MARCHF1: variants seen among roughly 807,000 people sequenced by gnomAD.
MARCHF1 encodes the protein E3 ubiquitin-protein ligase MARCHF1.
A neutral mutation model predicts 54.2 loss-of-function variants in MARCHF1; 40 were observed. The ratio of observed to expected loss-of-function variants is 0.74; its 90% confidence interval spans 0.57 to 0.96. The LOEUF is 0.96. MARCHF1 is among the 40% of genes least tolerant of loss of function. The pLI is 0.00. For missense variants in MARCHF1, 586 were observed against 656.5 expected (o/e 0.89, Z 1.17); for synonymous variants, 236 against 236.3 (o/e 1.00, Z 0.01).
chr4:163,983,538 A>G (rs552218220), intron 3 of MARCHF1, among the ~76,000 whole-genome samples: 15 of 152,202 alleles, frequency 9.9e-5, no homozygotes, highest in Non-Finnish European at 2.1e-4. Context: ...AACTCCCCCC[A>G]CTTAGAGGTT....
chr4:164,106,950 T>C (rs1755718575), intron 2 of MARCHF1, among the ~76,000 whole-genome samples: 1 of 152,138 alleles, frequency 6.6e-6, no homozygotes, highest in African/African-American at 2.4e-5. Flanking sequence ...GAAACAACCA[T>C]ATGCAGAAGA....
rs78793646 is a variant in MARCHF1, at chr4:163,623,547, C to G, written c.163-10154G>C. Among the ~76,000 whole-genome samples the G allele has an allele frequency of 7.8e-3, 1,186 of 152,220 alleles. 14 individuals carry two copies. Among genetic ancestry groups the G allele is most frequent in the African/African-American group, 0.027 (1,136 of 41,534 alleles). On this transcript the variant is annotated intron_variant, in intron 5 of 9. Transcript: ENST00000514618. ...AAGCCTAAATGGGACGGCGTTAACA[C>G]CTCTAGGGACAACTCTCAATAATGG... is the stretch of plus-strand genomic sequence containing the variant.
chr4:163,589,342 C>T (rs1287742978), intron 7 of MARCHF1, among the ~76,000 whole-genome samples: 1 of 152,102 alleles, frequency 6.6e-6, no homozygotes, highest in South Asian at 2.1e-4. Context: ...TGAAGCACCA[C>T]TAACAACATC....
chr4:163,573,875 G>C (rs1227398965), intron 8 of MARCHF1, among the ~76,000 whole-genome samples: 2 of 151,208 alleles, frequency 1.3e-5, no homozygotes, highest in South Asian at 2.1e-4. Context: ...CTAGATCCCT[G>C]AGGAATCGCC....
At chr4:163,783,078 AT>A (rs1306458899) in intron 4 of MARCHF1, among the ~76,000 whole-genome samples, 1 of 152,226 alleles carries the variant, frequency 6.6e-6, no homozygotes, top group Admixed American at 6.5e-5. Flanking sequence ...AAATTCTCAA[AT>A]TGATAAAAAC....
intron 3 of MARCHF1, among the ~76,000 whole-genome samples, chr4:163,956,268 G>A (rs1287565109): frequency 6.6e-6 from 1 of 152,078 alleles, no homozygotes; most frequent in Non-Finnish European, 1.5e-5. Flanking sequence ...AAGTCATTTA[G>A]TCATTCAATA....
At position 164,176,970 on chromosome 4, in the gene MARCHF1, CTCTCT is replaced by C. The variant is rs1264046302; in HGVS notation, c.-322-65313_-322-65309del. Among the ~76,000 whole-genome samples, 94 of 57,396 alleles carry C rather than the reference CTCTCT, an allele frequency of 1.6e-3. 8 individuals are homozygous for C. The highest frequency in any genetic ancestry group is 3.7e-3 in the South Asian group (5 of 1,366). The allele number at this position is 57,396 out of a possible 152,430, so 37.7% of individuals were successfully genotyped here. ...TCTCTCTCTCTCTCTCTCTCTCTCTCTCTCTCTCTCTATATATATATATATATATA... is the reference window on the plus strand; with the variant it reads ...TCTCTCTCTCTCTCTCTCTCTCTCTCCTCTCTATATATATATATATATATA... On this transcript the variant is annotated intron_variant, in intron 1 of 9. Transcript: ENST00000514618.
At chr4:163,638,157 G>A (rs912634526) in intron 5 of MARCHF1, among the ~76,000 whole-genome samples, 2 of 150,540 alleles carry the variant, frequency 1.3e-5, no homozygotes, top group African/African-American at 4.9e-5. Context: ...ACGAGTTAGT[G>A]GGTGCAGCGC....
rs1408069827 is a variant in MARCHF1, at chr4:163,700,527, A to AGG, written c.162+285_162+286insCC. On this transcript the variant is annotated intron_variant, in intron 5 of 9. Transcript: ENST00000514618. ...CTAAAAAGATAGATAGAAAGAAAGA[A>AGG]AGAAGGAAGGAAGGAAGGAAGGAAG... Among the ~76,000 whole-genome samples, 43 of 135,262 alleles carry AGG rather than the reference A, an allele frequency of 3.2e-4. No homozygotes were observed. The South Asian group carries it at 3.2e-3, about 10-fold the overall frequency. 88.7% of individuals were successfully genotyped at this position (135,262 alleles called of 152,430 possible).
At chr4:163,705,563 T>C (rs906881027) in intron 4 of MARCHF1, among the ~76,000 whole-genome samples, 1 of 151,948 alleles carries the variant, frequency 6.6e-6, no homozygotes, top group African/African-American at 2.4e-5. Flanking sequence ...GATTAATACA[T>C]TGAAAGAGAC....
In MARCHF1 at chr4:163,674,330, C is replaced by T. The variant is rs139906342; in HGVS notation, c.162+26483G>A. Among the ~76,000 whole-genome samples, 648 of 152,064 alleles carry T rather than the reference C, an allele frequency of 4.3e-3. 11 individuals carry two copies. Among genetic ancestry groups the T allele is most frequent in the African/African-American group, 0.015 (623 of 41,504 alleles). ...TTCACTGGTACCCCATAAATTTATA[C>T]AAATTTTAAAAAAAGAAAAAAAATG... On this transcript the variant is annotated intron_variant, in intron 5 of 9. Transcript: ENST00000514618.
chr4:163,776,912 G>A (rs984876743), intron 4 of MARCHF1, among the ~76,000 whole-genome samples: 1 of 152,148 alleles, frequency 6.6e-6, no homozygotes. Flanking sequence ...AGACAAACTC[G>A]TGGCATCTTT....
intron 3 of MARCHF1, among the ~76,000 whole-genome samples, chr4:163,914,296 C>T (rs538025138): frequency 6.6e-6 from 1 of 151,890 alleles, no homozygotes; most frequent in African/African-American, 2.4e-5. Flanking sequence ...AAAGAGAATG[C>T]AAAAATTATT....
intron 4 of MARCHF1, among the ~76,000 whole-genome samples, chr4:163,809,741 T>C (rs1337854108): frequency 6.6e-6 from 1 of 152,118 alleles, no homozygotes; most frequent in Non-Finnish European, 1.5e-5. Flanking sequence ...AAAAGTCAAG[T>C]ACACACACAA....
chr4:164,030,984 G>A (rs1753864894), intron 2 of MARCHF1, among the ~76,000 whole-genome samples: 1 of 152,062 alleles, frequency 6.6e-6, no homozygotes, highest in Non-Finnish European at 1.5e-5. Context: ...AGACAATGGG[G>A]TTTTCTAAAT....
At chr4:164,118,152 A>T (rs2915265) in intron 1 of MARCHF1, among the ~76,000 whole-genome samples, 25,224 of 151,852 alleles carry the variant, frequency 0.17, 2,625 homozygotes, top group East Asian at 0.49. Flanking sequence ...AAAAGACATA[A>T]TATTTTAAAT....
At chr4:164,356,867 T>G (rs1288681031) in intron 1 of MARCHF1, among the ~76,000 whole-genome samples, 1 of 151,132 alleles carries the variant, frequency 6.6e-6, no homozygotes, top group East Asian at 2.0e-4. Context: ...ATTAGTGGTT[T>G]ATCATGCTCT....
intron 2 of MARCHF1, among the ~76,000 whole-genome samples, chr4:164,072,599 A>G (rs1334090071): frequency 6.6e-6 from 1 of 151,970 alleles, no homozygotes; most frequent in Non-Finnish European, 1.5e-5. Flanking sequence ...AGAAACAGAT[A>G]AACTTTAAAT....
intron 1 of MARCHF1, among the ~76,000 whole-genome samples, chr4:164,301,624 G>A (rs1205018575): frequency 6.6e-6 from 1 of 152,214 alleles, no homozygotes; most frequent in Non-Finnish European, 1.5e-5. Flanking sequence ...AGAAAATGCT[G>A]AGTCAATAAA....
Sources: allele counts gnomAD v4.1 joint callset (sites outside exome capture counted in the v4.1 genomes callset), GRCh38; gene constraint gnomAD v4.1.1; transcripts MANE v1.5; gene names NCBI Gene and HGNC (gene_info 2026-07-23, HGNC 2026-07-21).